RLF: variants seen among roughly 807,000 people sequenced by gnomAD.
The protein encoded by RLF is zinc finger protein Rlf.
A neutral mutation model predicts 162.9 loss-of-function variants in RLF; 7 were observed. The observed-to-expected ratio is 0.04, with a 90% CI of 0.02 to 0.08. The LOEUF is 0.08. Ranked by LOEUF, RLF falls within the 10% of genes least tolerant of loss-of-function variation. The probability of loss-of-function intolerance (pLI) is 1.00; values close to 1 mark genes in which losing one functional copy is unlikely to be tolerated. For missense variants in RLF, 1,664 were observed against 2,244.7 expected (o/e 0.74, Z 5.23); for synonymous variants, 782 against 791.5 (o/e 0.99, Z 0.20).
Position 40,235,885 on chromosome 1 carries a change from T to G in RLF, c.1183T>G (p.Cys395Gly). The part of the protein sequence containing the change: ...SEDEEMKASV[C>G]KTIACLLPED... ...AGATGAGGAAATGAAGGCATCAGTT[T>G]GTAAAACAATTGCCTGTCTTTTACC... The change falls in exon 8 of 8, where the codon TGT (cysteine) becomes GGT (glycine). Residue 395 changes from cysteine (C) to glycine (G), a missense_variant. Coordinates refer to ENST00000372771, the MANE Select transcript of RLF (RefSeq NM_012421.4). The G allele has an allele frequency of 6.2e-7, 1 of 1,614,158 alleles. No homozygotes were observed. The highest frequency in any genetic ancestry group is 8.5e-7 in the Non-Finnish European group (1 of 1,180,000).
At chr1:40,196,584 C>T (rs933008250) in intron 4 of RLF, among the ~76,000 whole-genome samples, 19 of 152,196 alleles carry the variant, frequency 1.2e-4, no homozygotes, top group Non-Finnish European at 2.5e-4. Flanking sequence ...ACTGCAGCCT[C>T]TACCTTTCAG....
chr1:40,208,521 T>C (rs1344328587), intron 5 of RLF, among the ~76,000 whole-genome samples: 1 of 152,106 alleles, frequency 6.6e-6, no homozygotes, highest in Non-Finnish European at 1.5e-5. Context: ...CTTATAAAAA[T>C]CTATTAATTT....
At position 40,232,349 on chromosome 1, in the gene RLF, A is replaced by G. The variant is rs1643163483; in HGVS notation, c.1089+691A>G. ...AGGTACTAATTTTCTATTGTTGAATAACATCACAAAAATTAATACTTAAAA... is the reference window on the plus strand; with the variant it reads ...AGGTACTAATTTTCTATTGTTGAATGACATCACAAAAATTAATACTTAAAA... On this transcript the variant is annotated intron_variant, in intron 7 of 7. Transcript: ENST00000372771. Among the ~76,000 whole-genome samples, 2 of 152,228 alleles carry G rather than the reference A, an allele frequency of 1.3e-5. 1 individual carries two copies. The highest frequency in any genetic ancestry group is 4.1e-4 in the South Asian group (2 of 4,832).
intron 5 of RLF, among the ~76,000 whole-genome samples, chr1:40,206,695 T>C (rs1642800804): frequency 6.6e-6 from 1 of 152,232 alleles, no homozygotes; most frequent in Non-Finnish European, 1.5e-5. Flanking sequence ...TAACGTTCTC[T>C]CACCTTATCT....
chr1:40,173,073 G>GTTTTTTTTT (rs765020752), intron 1 of RLF, among the ~76,000 whole-genome samples: 2 of 129,000 alleles, frequency 1.6e-5, no homozygotes, highest in African/African-American at 6.4e-5. Flanking sequence ...TAACATTCAG[G>GTTTTTTTTT]TTTTTTTTTT....
chr1:40,200,750 T>TTATA lies in RLF; in HGVS notation c.608-1650_608-1647dup, dbSNP rs142341961. 1.5e-3 allele frequency among the ~76,000 whole-genome samples: 226 copies of TTATA among 148,628 alleles called. 1 individual carries two copies. The highest frequency in any genetic ancestry group is 5.4e-3 in the African/African-American group (216 of 39,846). Reference sequence around the variant, plus strand: ...TTTTCTGTCCTTTTGAAATCTGTGATTATATATATATATATGTTTTTCTTT... The same window carrying TTATA: ...TTTTCTGTCCTTTTGAAATCTGTGATTATATATATATATATATATGTTTTTCTTT... On this transcript the variant is annotated intron_variant, in intron 4 of 7. Transcript: ENST00000372771.
At chr1:40,227,607 A>G (rs371770132) in intron 6 of RLF, among the ~76,000 whole-genome samples, 4 of 152,230 alleles carry the variant, frequency 2.6e-5, no homozygotes, top group South Asian at 4.1e-4. Flanking sequence ...ACACCATAAA[A>G]TGCCCATTTT....
At chr1:40,167,592 C>T (rs1175613483) in intron 1 of RLF, among the ~76,000 whole-genome samples, 2 of 152,046 alleles carry the variant, frequency 1.3e-5, no homozygotes, top group Admixed American at 6.6e-5. Context: ...AAGACTAAAA[C>T]GTGTTTTATT....
At position 40,197,977 on chromosome 1, in the gene RLF, T is replaced by C. The variant is rs74576724; in HGVS notation, c.607+2213T>C. ...CCTGATATTCACCTGACATGATCAG[T>C]AAAGATGCCATGGAAGAGCTGTTTT... On this transcript the variant is annotated intron_variant, in intron 4 of 7. Coordinates refer to ENST00000372771, the MANE Select transcript of RLF (RefSeq NM_012421.4). Among the ~76,000 whole-genome samples, 69 of 152,324 alleles carry C rather than the reference T, an allele frequency of 4.5e-4. 1 individual carries two copies. The East Asian group carries it at 9.4e-3, about 21-fold the overall frequency.
chr1:40,193,276 T>C (rs1467732404), intron 3 of RLF, among the ~76,000 whole-genome samples: 2 of 152,292 alleles, frequency 1.3e-5, no homozygotes, highest in East Asian at 3.8e-4. Context: ...TGTAGTTTTA[T>C]AGATTTAACA....
At chr1:40,221,764 G>A (rs1252557239) in intron 5 of RLF, among the ~76,000 whole-genome samples, 1 of 151,902 alleles carries the variant, frequency 6.6e-6, no homozygotes, top group Non-Finnish European at 1.5e-5. Flanking sequence ...GCTGGGCACG[G>A]TGGTGGGCGC....
At chr1:40,215,129 G>A (rs1262330570) in intron 5 of RLF, among the ~76,000 whole-genome samples, 7 of 152,034 alleles carry the variant, frequency 4.6e-5, no homozygotes, top group Admixed American at 4.6e-4. Context: ...TCTGAGAAAT[G>A]ATAGAGCCCA....
Position 40,240,184 on chromosome 1 carries a change from C to A in RLF, c.5482C>A (p.Pro1828Thr), listed in dbSNP as rs766598944. 1 of 1,614,118 alleles carries A rather than the reference C, an allele frequency of 6.2e-7. No individual in the cohort carries two copies. Among genetic ancestry groups the A allele is most frequent in the East Asian group, 2.2e-5 (1 of 44,868 alleles). ...VNDSEPEVDI[P>T]HSSSDSTIHE... ...TGACAGTGAACCTGAAGTTGACATACCTCATTCTTCCAGTGACTCTACAAT... is the reference window on the plus strand; with the variant it reads ...TGACAGTGAACCTGAAGTTGACATAACTCATTCTTCCAGTGACTCTACAAT... The change falls in exon 8 of 8, where the codon CCT (proline) becomes ACT (threonine). Residue 1828 changes from proline (P) to threonine (T), a missense_variant. Physicochemically the swap from Pro to Thr is conservative, Grantham distance 38. This residue lies in a region of RLF where 327 missense variants were observed against 342.7 expected (regional missense o/e 0.95). Coordinates refer to ENST00000372771, the MANE Select transcript of RLF (RefSeq NM_012421.4).
chr1:40,185,829 AAAAAAAAAAAAAGC>A (rs1340200447), intron 1 of RLF, among the ~76,000 whole-genome samples: 2 of 113,652 alleles, frequency 1.8e-5, no homozygotes, highest in African/African-American at 8.6e-5. Context: ...ACTGTCTCAA[AAAAAAAAAAAAAGC>A]AAAAAAAAAA....
rs190506998 is a variant in RLF at position 40,172,969 on chromosome 1, A to G, written c.237+11333A>G. On this transcript the variant is annotated intron_variant, in intron 1 of 7. Transcript: ENST00000372771. Reference sequence around the variant, plus strand: ...AGTGTTTGGGAGTCCCCGTTTTACTAAATCCTTGCCAATGCTTGTATTATT... The same window carrying G: ...AGTGTTTGGGAGTCCCCGTTTTACTGAATCCTTGCCAATGCTTGTATTATT... Among the ~76,000 whole-genome samples, 5 of 152,306 alleles carry G rather than the reference A, an allele frequency of 3.3e-5. No homozygotes were observed. The East Asian group carries it at 9.6e-4, about 29-fold the overall frequency.
At position 40,161,422 on chromosome 1, in the gene RLF, C is replaced by T. The variant is rs370659424; in HGVS notation, c.23C>T (p.Ala8Val). 2.2e-5 allele frequency: 34 copies of T among 1,549,148 alleles called. No individual in the cohort carries two copies. The highest frequency in any genetic ancestry group is 2.5e-5 in the Non-Finnish European group (29 of 1,153,594). The change falls in exon 1 of 8, where the codon GCC (alanine) becomes GTC (valine). Residue 8 changes from alanine (A) to valine (V), a missense_variant. By Grantham distance (64) the Ala-to-Val change is moderately conservative (BLOSUM62 0). This residue lies in a region of RLF where 134 missense variants were observed against 124.3 expected (regional missense o/e 1.08). Transcript: ENST00000372771. The surrounding 1 kb of genome is among the most constrained non-coding windows in gnomAD (Gnocchi z 4.4). The part of the protein sequence containing the change: MADGKGD[A>V]AAVAGAGAEA... ...AAGATGGCGGACGGAAAGGGAGACG[C>T]CGCCGCTGTCGCCGGGGCTGGGGCT...
At chr1:40,220,371 G>C (rs918831780) in intron 5 of RLF, among the ~76,000 whole-genome samples, 2 of 152,276 alleles carry the variant, frequency 1.3e-5, no homozygotes, top group Non-Finnish European at 2.9e-5. Flanking sequence ...TTAGGCCACT[G>C]CATGTGTTTT....
At chr1:40,167,866 A>G (rs1642187816) in intron 1 of RLF, among the ~76,000 whole-genome samples, 1 of 151,264 alleles carries the variant, frequency 6.6e-6, no homozygotes, top group Non-Finnish European at 1.5e-5. Flanking sequence ...CCTTTCCTGT[A>G]TCTCCCACTT....
Position 40,178,628 on chromosome 1 carries a change from T to G in RLF, c.238-10427T>G, listed in dbSNP as rs568848508. 2.0e-3 allele frequency among the ~76,000 whole-genome samples: 296 copies of G among 146,384 alleles called. 2 individuals are homozygous for G. The highest frequency in any genetic ancestry group is 7.6e-3 in the East Asian group (39 of 5,110). On this transcript the variant is annotated intron_variant, in intron 1 of 7. Transcript: ENST00000372771. Reference sequence around the variant, plus strand: ...CAAAGCTGTCTTTGGTGTTTTTTTTTTTTGTTTTTTTTTTTTTTTTGGAGA... The same window carrying G: ...CAAAGCTGTCTTTGGTGTTTTTTTTGTTTGTTTTTTTTTTTTTTTTGGAGA...
Sources: gnomAD v4.1 joint callset for allele counts (sites outside exome capture counted in the v4.1 genomes callset) on GRCh38, gnomAD v4.1.1 for gene constraint, gnomAD v4.1.1 regional missense constraint, Gnocchi (gnomAD v3.1) non-coding constraint, MANE v1.5 for transcripts, NCBI Gene and HGNC (gene_info 2026-07-23, HGNC 2026-07-21) for gene names.